Variants in ISM1 observed in about 807,000 individuals in gnomAD.
The protein encoded by ISM1 is isthmin-1.
In ISM1, 25 loss-of-function variants were observed where a neutral mutation model predicts 46.3. The observed-to-expected ratio is 0.54, with a 90% CI of 0.39 to 0.75. The LOEUF is 0.75. Ranked by LOEUF, ISM1 falls within the 30% of genes least tolerant of loss-of-function variation. The probability of loss-of-function intolerance (pLI) is 0.00; values close to 1 mark genes in which losing one functional copy is unlikely to be tolerated. For synonymous variants in ISM1, 255 were observed against 256.7 expected (o/e 0.99, Z 0.06); for missense variants, 536 against 625.4 (o/e 0.86, Z 1.52).
chr20:13,307,529 A>T, the ISM1 span, among the ~76,000 whole-genome samples: 910 of 152,302 alleles, frequency 6.0e-3, 8 homozygotes, highest in African/African-American at 0.021. Flanking sequence ...CTTTGTATGT[A>T]AATTTTACCA....
intron 1 of ISM1, among the ~76,000 whole-genome samples, chr20:13,253,712 GC>G (rs771116228): frequency 1.3e-5 from 2 of 151,950 alleles, no homozygotes; most frequent in African/African-American, 2.4e-5. Flanking sequence ...CTGGCCTGGG[GC>G]CCCCATTTTG....
rs549799287 is a variant in ISM1, at chr20:13,227,090, T to G, written c.138+5176T>G. Among the ~76,000 whole-genome samples the G allele has an allele frequency of 2.0e-5, 3 of 152,378 alleles. No homozygotes were observed. In the South Asian group the frequency reaches 6.2e-4, roughly 32 times the overall value. Reference sequence around the variant, plus strand: ...ATTGCCTTTTGTCTTGAATACTTTTTTGTGTCATATTAATATTGCAACTTC... The same window carrying G: ...ATTGCCTTTTGTCTTGAATACTTTTGTGTGTCATATTAATATTGCAACTTC... On this transcript the variant is annotated intron_variant, in intron 1 of 5. Coordinates refer to ENST00000262487, the MANE Select transcript of ISM1 (RefSeq NM_080826.2).
At chr20:13,255,267 G>GA (rs956736289) in intron 1 of ISM1, among the ~76,000 whole-genome samples, 4 of 151,992 alleles carry the variant, frequency 2.6e-5, no homozygotes, top group African/African-American at 7.2e-5. Flanking sequence ...AGAGGAATTT[G>GA]AAAAAATGGA....
chr20:13,261,993 C>G (rs562143546), intron 1 of ISM1, among the ~76,000 whole-genome samples: 1 of 152,170 alleles, frequency 6.6e-6, no homozygotes, highest in Non-Finnish European at 1.5e-5. Flanking sequence ...GTGTCCTGTT[C>G]GACACCCGTT....
chr20:13,326,645 T>C, the ISM1 span, among the ~76,000 whole-genome samples: 2 of 152,206 alleles, frequency 1.3e-5, no homozygotes, highest in Non-Finnish European at 1.5e-5. Context: ...TTCTTTGCCT[T>C]TCATAAATCC....
At chr20:13,314,351 CAAAGAAAAAA>C in the ISM1 span, among the ~76,000 whole-genome samples, 1 of 151,054 alleles carries the variant, frequency 6.6e-6, no homozygotes, top group Non-Finnish European at 1.5e-5. Flanking sequence ...TACAGAAAAA[CAAAGAAAAAA>C]TTCCAAAAGA....
At chr20:13,274,290 C>T (rs747207551) in intron 2 of ISM1, among the ~76,000 whole-genome samples, 21 of 152,162 alleles carry the variant, frequency 1.4e-4, no homozygotes, top group Non-Finnish European at 2.8e-4. Context: ...TGGTTTGACA[C>T]AGGGCCGATT....
intron 5 of ISM1, among the ~76,000 whole-genome samples, chr20:13,294,510 C>T (rs1272039765): frequency 6.6e-6 from 1 of 152,202 alleles, no homozygotes; most frequent in Non-Finnish European, 1.5e-5. Context: ...AGCTGCTTTG[C>T]AGAACACAGC....
chr20:13,288,532 T>C lies in ISM1; in HGVS notation c.644-8T>C. The C allele has an allele frequency of 1.2e-6, 2 of 1,613,126 alleles. No homozygotes were observed. The highest frequency in any genetic ancestry group is 1.7e-6 in the Non-Finnish European group (2 of 1,179,246). ...AAGTTGATGACCATCTCCCTGGCTG[T>C]CTTCCAGATTCCACAGATGGCGAGG... is the stretch of plus-strand genomic sequence containing the variant. On this transcript the variant is annotated splice_region_variant and splice_polypyrimidine_tract_variant and intron_variant, in intron 3 of 5. Coordinates refer to ENST00000262487, the MANE Select transcript of ISM1 (RefSeq NM_080826.2).
chr20:13,300,924 T>A (rs1300352218), downstream of ISM1, among the ~76,000 whole-genome samples: 1 of 152,208 alleles, frequency 6.6e-6, no homozygotes, highest in African/African-American at 2.4e-5. Context: ...ACAGCCCAGA[T>A]GAGCAGGGCC....
chr20:13,248,161 C>A (rs1031279969), intron 1 of ISM1, among the ~76,000 whole-genome samples: 2 of 152,182 alleles, frequency 1.3e-5, no homozygotes, highest in Non-Finnish European at 2.9e-5. Flanking sequence ...CATAGTAGTA[C>A]ATTTCTTTGT....
At chr20:13,269,028 G>A (rs1002628419) in intron 1 of ISM1, among the ~76,000 whole-genome samples, 7 of 152,168 alleles carry the variant, frequency 4.6e-5, no homozygotes, top group African/African-American at 1.4e-4. Flanking sequence ...GACCTTGGGC[G>A]CTCAGAGTCA....
intron 2 of ISM1, among the ~76,000 whole-genome samples, chr20:13,276,365 A>G (rs1021848341): frequency 1.3e-5 from 2 of 152,238 alleles, no homozygotes; most frequent in Admixed American, 6.5e-5. Context: ...CCGAGCAAGA[A>G]TCAAGAGTTT....
At chr20:13,298,819 G>A in intron 5 of ISM1, 123 bp from the exon 6 acceptor site, 1 of 886,426 alleles carries the variant, frequency 1.1e-6, no homozygotes, top group Non-Finnish European at 1.7e-6. Flanking sequence ...ACTTCAGGGA[G>A]TTGTTGACTT....
Position 13,299,537 on chromosome 20 carries a change from C to T in ISM1, c.*78C>T. On this transcript the variant is annotated 3_prime_UTR_variant, in exon 6 of 6. Coordinates refer to ENST00000262487, the MANE Select transcript of ISM1 (RefSeq NM_080826.2). The surrounding 1 kb of genome is among the most constrained non-coding windows in gnomAD (Gnocchi z 5.8). ...GCTGCACTGACGTGCCGACTGGCGC[C>T]GAGACCTTCATAGCTGCGGTCGTGT... 2 of 1,320,538 alleles carry T rather than the reference C, an allele frequency of 1.5e-6. No homozygotes were observed. The highest frequency in any genetic ancestry group is 2.3e-5 in the East Asian group (1 of 43,086). The allele number at this position is 1,320,538 out of a possible 1,614,324, so 81.8% of individuals were successfully genotyped here.
At chr20:13,304,856 C>A (rs1159859152), downstream of ISM1, among the ~76,000 whole-genome samples, 1 of 152,148 alleles carries the variant, frequency 6.6e-6, no homozygotes. Flanking sequence ...TTATTAGCTT[C>A]CTTGCCTTCC....
chr20:13,298,234 T>C (rs567745925), intron 5 of ISM1, among the ~76,000 whole-genome samples: 2 of 152,248 alleles, frequency 1.3e-5, no homozygotes, highest in South Asian at 4.1e-4. Flanking sequence ...GCCTCCTGAG[T>C]AGCTGGGATT....
chr20:13,250,597 C>T (rs1459284018), intron 1 of ISM1, among the ~76,000 whole-genome samples: 1 of 152,144 alleles, frequency 6.6e-6, no homozygotes, highest in African/African-American at 2.4e-5. Flanking sequence ...TCCCCAGACT[C>T]CCTGTCTGAT....
At chr20:13,274,440 A>G (rs1312853942) in intron 2 of ISM1, among the ~76,000 whole-genome samples, 1 of 152,096 alleles carries the variant, frequency 6.6e-6, no homozygotes, top group South Asian at 2.1e-4. Flanking sequence ...TCCTGGCCTC[A>G]TCTGCCCCTT....
Sources: gnomAD v4.1 joint callset for allele counts (sites outside exome capture counted in the v4.1 genomes callset) on GRCh38, gnomAD v4.1.1 for gene constraint, Gnocchi (gnomAD v3.1) non-coding constraint, MANE v1.5 for transcripts, NCBI Gene and HGNC (gene_info 2026-07-23, HGNC 2026-07-21) for gene names.